The following NFATC2 variants were observed in gnomAD, a reference collection of about 807,000 sequenced individuals.
The protein encoded by NFATC2 is nuclear factor of activated T-cells, cytoplasmic 2.
Under a neutral mutation model 87.3 loss-of-function variants are expected in NFATC2, and 22 were observed. That is an observed-to-expected ratio of 0.25 (90% CI 0.18 to 0.36). The LOEUF (loss-of-function observed/expected upper bound fraction) is 0.36. Among genes scored for constraint, NFATC2 ranks in the 10% least tolerant of loss-of-function variants. The pLI, the probability that NFATC2 is intolerant of heterozygous loss-of-function variation, is 1.00. For missense variants in NFATC2, 1,149 were observed against 1,259.1 expected (o/e 0.91, Z 1.32); for synonymous variants, 565 against 542.2 (o/e 1.04, Z -0.58).
chr20:51,556,893 G>A (rs1156461082), intron 1 of NFATC2, among the ~76,000 whole-genome samples: 1 of 152,154 alleles, frequency 6.6e-6, no homozygotes, highest in Non-Finnish European at 1.5e-5. Context: ...AGAGGGGATG[G>A]GGGCTGCTAG....
intron 5 of NFATC2, among the ~76,000 whole-genome samples, chr20:51,467,421 G>A (rs910582850): frequency 2.0e-5 from 3 of 152,054 alleles, no homozygotes; most frequent in Non-Finnish European, 2.9e-5. Context: ...GCCGGGCATG[G>A]TGGTGGGCGC....
intron 4 of NFATC2, 52 bp downstream of exon 4, chr20:51,475,406 C>T: frequency 6.3e-7 from 1 of 1,583,974 alleles, no homozygotes; most frequent in Non-Finnish European, 8.7e-7. Context: ...TGCCACCTGC[C>T]CCCTGCTCGC....
chr20:51,522,478 G>A (rs908698214), intron 2 of NFATC2, among the ~76,000 whole-genome samples: 1 of 152,118 alleles, frequency 6.6e-6, no homozygotes, highest in South Asian at 2.1e-4. Flanking sequence ...GACTCAAAGC[G>A]AGCCTTAAGA....
chr20:51,454,726 G>C (rs2146429038), intron 5 of NFATC2, 38 bp from the exon 6 acceptor site: 1 of 1,608,330 alleles, frequency 6.2e-7, no homozygotes, highest in East Asian at 2.2e-5. Flanking sequence ...GTGATAAGGG[G>C]AGATGTCTGT....
chr20:51,451,212 C>T (rs1985730633), intron 6 of NFATC2, among the ~76,000 whole-genome samples: 1 of 152,212 alleles, frequency 6.6e-6, no homozygotes, highest in African/African-American at 2.4e-5. Flanking sequence ...GGGAGCTGTG[C>T]AGGCATTCCA....
At chr20:51,414,246 G>C (rs1042727573) in intron 9 of NFATC2, among the ~76,000 whole-genome samples, 1 of 152,054 alleles carries the variant, frequency 6.6e-6, no homozygotes, top group Non-Finnish European at 1.5e-5. Flanking sequence ...CCAGAGACTC[G>C]AGCAAGGGAG....
intron 10 of NFATC2, among the ~76,000 whole-genome samples, chr20:51,396,706 G>GT (rs1987201982): frequency 6.6e-6 from 1 of 152,158 alleles, no homozygotes. Flanking sequence ...CCACCCCCCA[G>GT]TCACTACTGA....
rs190600109 is a variant in NFATC2 at position 51,496,590 on chromosome 20, A to G, written c.1332+20194T>C. On this transcript the variant is annotated intron_variant, in intron 3 of 10. Coordinates refer to ENST00000371564, the MANE Select transcript of NFATC2 (RefSeq NM_012340.5). Reference sequence around the variant, plus strand: ...TCTCTATAAACAAAGAATCACTAACATTAATTGGACACATACTGTCAGGCC... The same window carrying G: ...TCTCTATAAACAAAGAATCACTAACGTTAATTGGACACATACTGTCAGGCC... Among the ~76,000 whole-genome samples the G allele has an allele frequency of 4.9e-4, 74 of 152,184 alleles. 1 individual carries two copies. Among genetic ancestry groups the G allele is most frequent in the African/African-American group, 1.7e-3 (72 of 41,530 alleles).
At chr20:51,495,229 C>A (rs2075968512) in intron 3 of NFATC2, among the ~76,000 whole-genome samples, 1 of 152,170 alleles carries the variant, frequency 6.6e-6, no homozygotes. Flanking sequence ...GGACAACAGG[C>A]ACGTGCCACC....
chr20:51,480,546 C>T lies in NFATC2; in HGVS notation c.1333-4886G>A, dbSNP rs1989164572. Among the ~76,000 whole-genome samples, 1 of 152,154 alleles carries T rather than the reference C, an allele frequency of 6.6e-6. No homozygotes were observed. The highest frequency in any genetic ancestry group is 1.5e-5 in the Non-Finnish European group (1 of 68,036). ...GAATCCACCTGGCACTGGTGAGGGTCCCTTCCCCGCCTCCCCGGGTAACAC... is the reference window on the plus strand; with the variant it reads ...GAATCCACCTGGCACTGGTGAGGGTTCCTTCCCCGCCTCCCCGGGTAACAC... On this transcript the variant is annotated intron_variant, in intron 3 of 10. Coordinates refer to ENST00000371564, the MANE Select transcript of NFATC2 (RefSeq NM_012340.5). This position sits in a 1 kb window ranked among gnomAD's most constrained non-coding sequence, Gnocchi z 4.2.
intron 9 of NFATC2, among the ~76,000 whole-genome samples, chr20:51,420,863 T>G (rs1208546987): frequency 6.6e-6 from 1 of 152,070 alleles, no homozygotes; most frequent in African/African-American, 2.4e-5. Flanking sequence ...ACATGCTATT[T>G]CTACACGAAA....
chr20:51,496,851 A>G (rs911762145), intron 3 of NFATC2, among the ~76,000 whole-genome samples: 1 of 152,202 alleles, frequency 6.6e-6, no homozygotes, highest in Non-Finnish European at 1.5e-5. Flanking sequence ...ACTCCCTGAA[A>G]GCAAGAATTG....
At chr20:51,542,830 G>A (rs2076848290), upstream of NFATC2, 2 of 661,996 alleles carry the variant, frequency 3.0e-6, no homozygotes, top group Non-Finnish European at 1.9e-6. Flanking sequence ...CCGGAGGGGA[G>A]GGGCGCGCGG....
intron 5 of NFATC2, among the ~76,000 whole-genome samples, chr20:51,458,491 T>C (rs1411048268): frequency 6.6e-6 from 1 of 151,516 alleles, no homozygotes; most frequent in Non-Finnish European, 1.5e-5. Context: ...AGCATTGTTT[T>C]TATCTTAAAA....
intron 3 of NFATC2, among the ~76,000 whole-genome samples, chr20:51,476,987 C>T (rs1758144510): frequency 1.3e-5 from 2 of 152,144 alleles, no homozygotes; most frequent in African/African-American, 4.8e-5. Context: ...AGAGCAACAG[C>T]TTTAGTAAAA....
intron 3 of NFATC2, among the ~76,000 whole-genome samples, chr20:51,507,329 C>A (rs2076200984): frequency 6.6e-6 from 1 of 151,312 alleles, no homozygotes; most frequent in Admixed American, 6.6e-5. Context: ...TAACAAACAG[C>A]GTGTAAATAA....
chr20:51,476,558 C>T (rs1016849748), intron 3 of NFATC2, among the ~76,000 whole-genome samples: 1 of 152,166 alleles, frequency 6.6e-6, no homozygotes, highest in Admixed American at 6.5e-5. Flanking sequence ...TCCAGTCCAA[C>T]ACACTATACA....
At chr20:51,464,948 C>T (rs925198913) in intron 5 of NFATC2, among the ~76,000 whole-genome samples, 1 of 152,232 alleles carries the variant, frequency 6.6e-6, no homozygotes, top group East Asian at 1.9e-4. Flanking sequence ...ACAGAACGTA[C>T]TTGACACACA....
intron 3 of NFATC2, among the ~76,000 whole-genome samples, chr20:51,512,457 C>T (rs1040587843): frequency 7.2e-5 from 11 of 152,170 alleles, no homozygotes; most frequent in African/African-American, 1.9e-4. Flanking sequence ...CGTTGTATCA[C>T]CTGCAACCAG....
Sources: gnomAD v4.1 joint callset for allele counts (sites outside exome capture counted in the v4.1 genomes callset) on GRCh38, gnomAD v4.1.1 for gene constraint, Gnocchi (gnomAD v3.1) non-coding constraint, MANE v1.5 for transcripts, NCBI Gene and HGNC (gene_info 2026-07-23, HGNC 2026-07-21) for gene names.